ITGB3BP: variants seen among roughly 807,000 people sequenced by gnomAD.
The protein encoded by ITGB3BP is centromere protein R.
A neutral mutation model predicts 29.1 loss-of-function variants in ITGB3BP; 27 were observed. The observed-to-expected ratio is 0.93, with a 90% confidence interval of 0.68 to 1.28. ITGB3BP has a LOEUF of 1.28. Ranked by LOEUF, ITGB3BP falls within the 50% of genes most tolerant of loss-of-function variation. The pLI, the probability that ITGB3BP is intolerant of heterozygous loss-of-function variation, is 0.00. For synonymous variants in ITGB3BP, 61 were observed against 61.4 expected, an observed-to-expected ratio of 0.99 and a Z score of 0.03; for missense variants, 192 against 200.2, an observed-to-expected ratio of 0.96 and a Z score of 0.25.
chr1:63,503,557 T>A (rs1367177579), intron 2 of ITGB3BP, among the ~76,000 whole-genome samples: 1 of 152,228 alleles, frequency 6.6e-6, no homozygotes, highest in Non-Finnish European at 1.5e-5. Context: ...TGCCCATTGC[T>A]TTTGGTGTTT....
At chr1:63,513,534 G>C (rs2100797885) in intron 1 of ITGB3BP, among the ~76,000 whole-genome samples, 1 of 152,148 alleles carries the variant, frequency 6.6e-6, no homozygotes, top group Non-Finnish European at 1.5e-5. Flanking sequence ...ATGGTATTTA[G>C]ACACCAAAAT....
At chr1:63,502,381 G>A (rs1291268197) in intron 2 of ITGB3BP, among the ~76,000 whole-genome samples, 2 of 152,082 alleles carry the variant, frequency 1.3e-5, no homozygotes, top group Non-Finnish European at 2.9e-5. Context: ...CATTAGAAGA[G>A]GTATATTAGT....
Position 63,490,090 on chromosome 1 carries a change from TA to T in ITGB3BP, c.176del (p.Leu59HisfsTer9), listed in dbSNP as rs1254303537. On this transcript the variant is annotated frameshift_variant, in exon 3 of 9. Coordinates refer to ENST00000271002, the MANE Select transcript of ITGB3BP (RefSeq NM_014288.5). LOFTEE classifies it high-confidence loss of function. Reference protein sequence around the residue: ...SSEEQKHRNGLSNEKRKKLNH... With the variant: ...SSEEQKHRNGXSNEKRKKLNH... ...AAAGAATGTTCAACTAACCATTTGA[TA>T]GTCCATTTCTGTGCTTTTGCTCTTC... The T allele has an allele frequency of 6.2e-7, 1 of 1,609,634 alleles. No homozygotes were observed. Among genetic ancestry groups the T allele is most frequent in the Non-Finnish European group, 8.5e-7 (1 of 1,178,124 alleles).
chr1:63,502,112 T>C (rs1300860489), intron 2 of ITGB3BP, among the ~76,000 whole-genome samples: 1 of 152,170 alleles, frequency 6.6e-6, no homozygotes, highest in Non-Finnish European at 1.5e-5. Flanking sequence ...CAGTTGTCCA[T>C]ATAAATTCAT....
At chr1:63,477,793 T>C (rs1249215349) in intron 4 of ITGB3BP, among the ~76,000 whole-genome samples, 2 of 152,168 alleles carry the variant, frequency 1.3e-5, no homozygotes, top group African/African-American at 4.8e-5. Context: ...TTAGTGTCCA[T>C]TGGTGTGGTA....
intron 2 of ITGB3BP, among the ~76,000 whole-genome samples, chr1:63,506,534 C>T (rs920084630): frequency 6.6e-6 from 1 of 152,050 alleles, no homozygotes; most frequent in Non-Finnish European, 1.5e-5. Context: ...TACGGGAGTA[C>T]AATTTAAGAT....
intron 4 of ITGB3BP, among the ~76,000 whole-genome samples, chr1:63,462,476 T>C (rs978964054): frequency 6.6e-6 from 1 of 152,222 alleles, no homozygotes; most frequent in African/African-American, 2.4e-5. Context: ...TCTTATCTAA[T>C]TGCTCTGGCT....
chr1:63,479,305 TA>T (rs1251882226), intron 3 of ITGB3BP, among the ~76,000 whole-genome samples: 1 of 152,224 alleles, frequency 6.6e-6, no homozygotes, highest in Non-Finnish European at 1.5e-5. Context: ...AATTTGATTT[TA>T]GGGGTAAAAG....
intron 2 of ITGB3BP, among the ~76,000 whole-genome samples, chr1:63,507,255 C>G (rs1384598994): frequency 6.6e-6 from 1 of 152,108 alleles, no homozygotes; most frequent in Non-Finnish European, 1.5e-5. Context: ...AAGCTTAAAT[C>G]AATTTAAGTT....
intron 4 of ITGB3BP, among the ~76,000 whole-genome samples, chr1:63,472,709 G>A (rs1289032700): frequency 2.0e-5 from 3 of 150,172 alleles, no homozygotes; most frequent in Admixed American, 6.6e-5. Flanking sequence ...GCTCCTAACC[G>A]CGAGTGATCC....
rs1645567464 is a variant in ITGB3BP, at chr1:63,488,127, T to C, written c.184+1956A>G. ...TTTTATAACTACAAATGGATTTAAA[T>C]ATAATATTAAGTCTTCTGTTCACAT... On this transcript the variant is annotated intron_variant, in intron 3 of 8. Transcript: ENST00000271002. Among the ~76,000 whole-genome samples, 3 of 152,074 alleles carry C rather than the reference T, an allele frequency of 2.0e-5. No individual in the cohort carries two copies. In the South Asian group the frequency reaches 6.2e-4, roughly 31 times the overall value.
At chr1:63,522,391 G>T (rs1490899949) in intron 1 of ITGB3BP, among the ~76,000 whole-genome samples, 1 of 152,118 alleles carries the variant, frequency 6.6e-6, no homozygotes, top group Non-Finnish European at 1.5e-5. Context: ...TCAACCTGAG[G>T]ACAAGGACGG....
intron 4 of ITGB3BP, among the ~76,000 whole-genome samples, chr1:63,476,030 C>CT (rs1017582319): frequency 3.6e-4 from 49 of 136,452 alleles, no homozygotes; most frequent in Admixed American, 8.0e-4. Flanking sequence ...GTATCATTTT[C>CT]TTTTTTTTTT....
rs142711369 is a variant in ITGB3BP, at chr1:63,497,719, C to T, written c.49-7501G>A. Reference sequence around the variant, plus strand: ...AAAGCTTTGTGCAAAAGTCTGAATTCATGAAGAGGGAAGGACAGAAGGTAG... The same window carrying T: ...AAAGCTTTGTGCAAAAGTCTGAATTTATGAAGAGGGAAGGACAGAAGGTAG... On this transcript the variant is annotated intron_variant, in intron 2 of 8. Transcript: ENST00000271002. 9.7e-5 allele frequency among the ~76,000 whole-genome samples: 13 copies of T among 134,286 alleles called. No individual in the cohort carries two copies. The East Asian group carries it at 3.3e-3, about 34-fold the overall frequency. The allele number at this position is 134,286 out of a possible 152,430, so 88.1% of individuals were successfully genotyped here.
rs78535381 is a variant in ITGB3BP, at chr1:63,454,935, C to T, written c.288G>A (p.Leu96=). Residue 96 remains leucine (L), a synonymous_variant, in exon 5 of 9, where the codon TTG becomes TTA. Coordinates refer to ENST00000271002, the MANE Select transcript of ITGB3BP (RefSeq NM_014288.5). The surrounding 1 kb of genome is among the most constrained non-coding windows in gnomAD (Gnocchi z 4.1). ...FMMLLSKVEK[L]SEEIMEIMQN... ...GCATTATCTCCATGATTTCTTCTGA[C>T]AATTTCTCAACTTTTGATAGCAACA... 472 of 1,570,296 alleles carry T rather than the reference C, an allele frequency of 3.0e-4. 4 individuals are homozygous for T. In the East Asian group the frequency reaches 0.01, roughly 35 times the overall value.
At chr1:63,444,593 C>G (rs1644767605) in intron 8 of ITGB3BP, among the ~76,000 whole-genome samples, 1 of 106,870 alleles carries the variant, frequency 9.4e-6, no homozygotes, top group South Asian at 3.1e-4. Flanking sequence ...ATATATATCT[C>G]CTATTACAAT....
intron 3 of ITGB3BP, among the ~76,000 whole-genome samples, chr1:63,480,367 C>G (rs1053686447): frequency 2.0e-5 from 3 of 152,068 alleles, no homozygotes; most frequent in African/African-American, 7.2e-5. Flanking sequence ...GTACTTTATA[C>G]TACCATATAC....
At chr1:63,515,170 CT>C (rs1303816835) in intron 1 of ITGB3BP, among the ~76,000 whole-genome samples, 3 of 152,108 alleles carry the variant, frequency 2.0e-5, no homozygotes, top group Admixed American at 2.0e-4. Context: ...TAAAATGTAT[CT>C]CAAATTAATT....
chr1:63,473,607 C>G (rs375528910), intron 4 of ITGB3BP, among the ~76,000 whole-genome samples: 1 of 74,464 alleles, frequency 1.3e-5, no homozygotes, highest in East Asian at 5.5e-4. Flanking sequence ...CCGCCCCGTC[C>G]GGGAGGGAGG....
Sources: gnomAD v4.1 joint callset for allele counts (sites outside exome capture counted in the v4.1 genomes callset) on GRCh38, gnomAD v4.1.1 for gene constraint, Gnocchi (gnomAD v3.1) non-coding constraint, MANE v1.5 for transcripts, NCBI Gene and HGNC (gene_info 2026-07-23, HGNC 2026-07-21) for gene names.